The following EPB41L2 variants were observed in gnomAD, a reference collection of about 807,000 sequenced individuals.
EPB41L2 encodes erythrocyte membrane protein band 4.1 like 2.
In EPB41L2, 43 loss-of-function variants were observed where a neutral mutation model predicts 113.0. The observed-to-expected ratio is 0.38, with a 90% confidence interval of 0.30 to 0.49. The LOEUF (loss-of-function observed/expected upper bound fraction) is 0.49, where lower values mean the gene tolerates loss of function less well. Among genes scored for constraint, EPB41L2 ranks in the 20% least tolerant of loss-of-function variants. EPB41L2 has a pLI of 0.95. For synonymous variants in EPB41L2, 442 were observed against 436.7 expected, an observed-to-expected ratio of 1.01 and a Z score of -0.15; for missense variants, 1,147 against 1,223.4, an observed-to-expected ratio of 0.94 and a Z score of 0.93.
At chr6:130,906,625 G>C (rs961950131) in intron 5 of EPB41L2, among the ~76,000 whole-genome samples, 2 of 152,110 alleles carry the variant, frequency 1.3e-5, no homozygotes, top group African/African-American at 4.8e-5. Flanking sequence ...TTATGTTTCA[G>C]AAAATAAAGG....
At chr6:130,996,291 A>T (rs1469439089) in intron 1 of EPB41L2, among the ~76,000 whole-genome samples, 1 of 152,236 alleles carries the variant, frequency 6.6e-6, no homozygotes, top group East Asian at 1.9e-4. Context: ...ACTGATGCCC[A>T]GACATAAACA....
intron 1 of EPB41L2, among the ~76,000 whole-genome samples, chr6:130,996,713 G>A (rs9388873): frequency 0.15 from 22,652 of 152,088 alleles, 2,289 homozygotes; most frequent in East Asian, 0.42. Flanking sequence ...AATTTAAAAG[G>A]ATAATGCTGT....
chr6:131,006,956 A>G (rs1036827807), intron 1 of EPB41L2, among the ~76,000 whole-genome samples: 2 of 151,938 alleles, frequency 1.3e-5, no homozygotes, highest in African/African-American at 4.8e-5. Context: ...ATGGGCCCCA[A>G]TCACATCTTA....
At chr6:131,030,814 G>A (rs1792001743) in intron 1 of EPB41L2, among the ~76,000 whole-genome samples, 1 of 151,890 alleles carries the variant, frequency 6.6e-6, no homozygotes, top group African/African-American at 2.4e-5. Flanking sequence ...TGTGTCTCAC[G>A]CCTGTAATCC....
chr6:130,893,220 C>T (rs975400270), intron 10 of EPB41L2, among the ~76,000 whole-genome samples: 1 of 151,922 alleles, frequency 6.6e-6, no homozygotes, highest in Non-Finnish European at 1.5e-5. Flanking sequence ...GGCCAAAGAA[C>T]CTAAAGGTAC....
intron 1 of EPB41L2, among the ~76,000 whole-genome samples, chr6:130,999,359 T>G (rs1042690617): frequency 6.6e-6 from 1 of 152,190 alleles, no homozygotes; most frequent in Non-Finnish European, 1.5e-5. Flanking sequence ...AAAGAAACAA[T>G]AAGAAAAATC....
At chr6:131,051,997 C>T (rs1584795624) in intron 1 of EPB41L2, among the ~76,000 whole-genome samples, 1 of 149,936 alleles carries the variant, frequency 6.7e-6, no homozygotes, top group South Asian at 2.1e-4. Context: ...AGTGCAGTGG[C>T]ATGATCTCGG....
chr6:130,867,730 CA>C, intron 15 of EPB41L2, 149 bp from the exon 16 acceptor site: 1 of 1,076,406 alleles, frequency 9.3e-7, no homozygotes. Context: ...CTAAAACAAA[CA>C]AAAGAAATAA....
rs376078462 is a variant in EPB41L2 at position 130,848,199 on chromosome 6, T to TCTCACACACA, written c.*6-7602_*6-7601insTGTGTGTGAG. Among the ~76,000 whole-genome samples the TCTCACACACA allele has an allele frequency of 2.1e-3, 234 of 113,502 alleles. 2 individuals carry two copies. The highest frequency in any genetic ancestry group is 9.5e-3 in the East Asian group (38 of 4,010). 74.5% of individuals were successfully genotyped at this position (113,502 alleles called of 152,430 possible). ...CTCTCTCTGTCTCTCTCTCTCTCTCTCACACACACACACACACACACACAC... is the reference window on the plus strand; with the variant it reads ...CTCTCTCTGTCTCTCTCTCTCTCTCTCTCACACACACACACACACACACACACACACACAC... On this transcript the variant is annotated intron_variant, in intron 19 of 19. Coordinates refer to ENST00000337057, the MANE Select transcript of EPB41L2 (RefSeq NM_001431.4).
chr6:130,995,242 G>A (rs1180004490), intron 1 of EPB41L2, among the ~76,000 whole-genome samples: 1 of 152,218 alleles, frequency 6.6e-6, no homozygotes, highest in Non-Finnish European at 1.5e-5. Context: ...AGGCTGAGGA[G>A]GAGAATGGCA....
chr6:130,958,987 C>G (rs183337640), intron 1 of EPB41L2, among the ~76,000 whole-genome samples: 70 of 152,282 alleles, frequency 4.6e-4, no homozygotes, highest in African/African-American at 1.7e-3. Flanking sequence ...TTGATCTGAT[C>G]TCTGGTTGAT....
intron 11 of EPB41L2, among the ~76,000 whole-genome samples, chr6:130,887,728 C>G (rs1027088688): frequency 6.6e-6 from 1 of 152,214 alleles, no homozygotes; most frequent in African/African-American, 2.4e-5. Context: ...CTTCAAGTCT[C>G]AACTGACCTG....
chr6:130,959,378 GAGAAAAA>G (rs1480027871), intron 1 of EPB41L2, among the ~76,000 whole-genome samples: 1 of 152,118 alleles, frequency 6.6e-6, no homozygotes, highest in African/African-American at 2.4e-5. Context: ...ACATCACCTA[GAGAAAAA>G]GGGTAGCTTA....
chr6:131,056,338 C>A (rs1181444773), intron 1 of EPB41L2, among the ~76,000 whole-genome samples: 1 of 152,138 alleles, frequency 6.6e-6, no homozygotes, highest in Non-Finnish European at 1.5e-5. Context: ...TTACCTCTGG[C>A]AACATAACAA....
intron 1 of EPB41L2, among the ~76,000 whole-genome samples, chr6:130,989,045 C>T (rs563987830): frequency 2.6e-5 from 4 of 152,166 alleles, no homozygotes; most frequent in Admixed American, 6.5e-5. Context: ...GCCAAGATCA[C>T]GCCACTGCAC....
At chr6:131,013,468 A>T (rs1256162613) in intron 1 of EPB41L2, 1 of 152,202 alleles carries the variant, frequency 6.6e-6, no homozygotes, top group East Asian at 1.9e-4. Flanking sequence ...CAGCTAAAAT[A>T]CCATTTTCAA....
chr6:130,872,718 A>G (rs1465778660), intron 14 of EPB41L2, among the ~76,000 whole-genome samples: 1 of 152,208 alleles, frequency 6.6e-6, no homozygotes, highest in East Asian at 1.9e-4. Flanking sequence ...TGTGAGCGCC[A>G]GCTTTTCCAC....
chr6:130,917,697 A>G (rs1801574165), intron 4 of EPB41L2, among the ~76,000 whole-genome samples: 2 of 152,204 alleles, frequency 1.3e-5, no homozygotes, highest in African/African-American at 4.8e-5. Context: ...ACCTATTACA[A>G]CAGTCCTGAA....
At chr6:131,018,923 T>C (rs1303408463) in intron 1 of EPB41L2, among the ~76,000 whole-genome samples, 1 of 152,192 alleles carries the variant, frequency 6.6e-6, no homozygotes, top group East Asian at 1.9e-4. Context: ...CTTGCCACAA[T>C]AGTTTCAACA....
Sources: gnomAD v4.1 joint callset for allele counts (sites outside exome capture counted in the v4.1 genomes callset) on GRCh38, gnomAD v4.1.1 for gene constraint, MANE v1.5 for transcripts, NCBI Gene and HGNC (gene_info 2026-07-23, HGNC 2026-07-21) for gene names.